Variants in MCTP2 observed in about 807,000 individuals in gnomAD.
The protein encoded by MCTP2 is multiple C2 and transmembrane domain-containing protein 2.
In MCTP2, 132 loss-of-function variants were observed where a neutral mutation model predicts 111.6. That is an observed-to-expected ratio of 1.18 (90% confidence interval 1.03 to 1.37). The LOEUF (loss-of-function observed/expected upper bound fraction) is 1.37. Among genes scored for constraint, MCTP2 ranks in the 40% most tolerant of loss-of-function variants. The pLI, the probability that MCTP2 is intolerant of heterozygous loss-of-function variation, is 0.00. For missense variants in MCTP2, 1,183 were observed against 1,067.9 expected (o/e 1.11, Z -1.50); for synonymous variants, 395 against 387.7 (o/e 1.02, Z -0.22).
chr15:94,425,715 GA>G (rs1397258408), intron 17 of MCTP2, among the ~76,000 whole-genome samples: 1 of 152,124 alleles, frequency 6.6e-6, no homozygotes, highest in Non-Finnish European at 1.5e-5. Context: ...TTATTCAGAT[GA>G]GGCAGAGATT....
Position 94,419,646 on chromosome 15 carries a change from A to T in MCTP2, c.2085+17627A>T, listed in dbSNP as rs1389813010. On this transcript the variant is annotated intron_variant, in intron 17 of 22. Transcript: ENST00000357742. ...AAAGTGTAGAATTAGTTTTCTGGTC[A>T]GTCTAAATAGCCTTTCATAGTTGCC... Among the ~76,000 whole-genome samples, 3 of 152,276 alleles carry T rather than the reference A, an allele frequency of 2.0e-5. No individual in the cohort carries two copies. In the East Asian group the frequency reaches 5.8e-4, roughly 29 times the overall value.
chr15:94,364,572 C>G (rs967264513), intron 10 of MCTP2, among the ~76,000 whole-genome samples: 2 of 152,062 alleles, frequency 1.3e-5, no homozygotes, highest in East Asian at 3.8e-4. Context: ...ATGTTTACGT[C>G]TTAAAGACTT....
chr15:94,466,803 A>T (rs1261855117), intron 20 of MCTP2, among the ~76,000 whole-genome samples: 2 of 151,966 alleles, frequency 1.3e-5, no homozygotes, highest in Non-Finnish European at 2.9e-5. Flanking sequence ...TTTTCATGTC[A>T]GCCTAGTCAT....
chr15:94,319,036 G>GTTT (rs1567410982), intron 4 of MCTP2, among the ~76,000 whole-genome samples: 2 of 77,536 alleles, frequency 2.6e-5, no homozygotes, highest in African/African-American at 6.8e-5. Context: ...AATTGTTCTT[G>GTTT]GTTTTTTTTT....
chr15:94,390,452 C>T lies in MCTP2; in HGVS notation c.1788+4927C>T, dbSNP rs552079994. 3.3e-5 allele frequency among the ~76,000 whole-genome samples: 5 copies of T among 152,236 alleles called. No individual in the cohort carries two copies. In the South Asian group the frequency reaches 1.0e-3, roughly 32 times the overall value. ...GTAGACACGATCTTCTGATAATTCA[C>T]TGACTCAATAGACTTATTTAATATT... is the stretch of plus-strand genomic sequence containing the variant. On this transcript the variant is annotated intron_variant, in intron 14 of 22. Transcript: ENST00000357742.
At chr15:94,424,582 G>A (rs1279748449) in intron 17 of MCTP2, among the ~76,000 whole-genome samples, 1 of 152,130 alleles carries the variant, frequency 6.6e-6, no homozygotes, top group Non-Finnish European at 1.5e-5. Context: ...CTGCTCTAGG[G>A]TATATGCCTA....
chr15:94,276,170 T>A (rs542370839), intron 1 of MCTP2, among the ~76,000 whole-genome samples: 2 of 152,270 alleles, frequency 1.3e-5, no homozygotes, highest in East Asian at 3.9e-4. Flanking sequence ...AAGAAACAAC[T>A]TTGGCTTCAT....
In MCTP2 at chr15:94,245,455, T is replaced by C. The variant is rs567775350; in HGVS notation, c.-66+13791T>C. The stretch of plus-strand genomic sequence containing the variant: ...ATTTATATATACACATATATGTATA[T>C]GTATTTATATACATATATGTATATA... On this transcript the variant is annotated intron_variant, in intron 1 of 22. Coordinates refer to ENST00000357742, the MANE Select transcript of MCTP2 (RefSeq NM_001385001.1). Among the ~76,000 whole-genome samples, 6 of 140,040 alleles carry C rather than the reference T, an allele frequency of 4.3e-5. No individual in the cohort carries two copies. In the South Asian group the frequency reaches 8.8e-4, roughly 21 times the overall value. The allele number at this position is 140,040 out of a possible 152,430, so 91.9% of individuals were successfully genotyped here.
Position 94,377,422 on chromosome 15 carries a change from A to G in MCTP2, c.1583-6600A>G, listed in dbSNP as rs910435213. 3.9e-5 allele frequency among the ~76,000 whole-genome samples: 6 copies of G among 152,222 alleles called. No homozygotes were observed. The South Asian group carries it at 6.2e-4, about 16-fold the overall frequency. On this transcript the variant is annotated intron_variant, in intron 12 of 22. Coordinates refer to ENST00000357742, the MANE Select transcript of MCTP2 (RefSeq NM_001385001.1). ...TGCCTCTGGCAGGCCGTCTGCTTCA[A>G]CTGCCTTCCAGAGAACATGGACTGT...
chr15:94,444,207 G>C (rs2552173), intron 19 of MCTP2, among the ~76,000 whole-genome samples: 9,582 of 152,162 alleles, frequency 0.063, 418 homozygotes, highest in East Asian at 0.15. Context: ...CACAATTCAG[G>C]AACAGCCAAA....
chr15:94,269,058 A>G (rs1005763249), intron 1 of MCTP2, among the ~76,000 whole-genome samples: 1 of 152,124 alleles, frequency 6.6e-6, no homozygotes, highest in Non-Finnish European at 1.5e-5. Flanking sequence ...TGTTTAAATG[A>G]TTAGTATAAG....
chr15:94,300,371 G>C (rs1027971388), intron 2 of MCTP2, among the ~76,000 whole-genome samples: 2 of 151,862 alleles, frequency 1.3e-5, no homozygotes, highest in Admixed American at 1.3e-4. Flanking sequence ...TTAGCCGGGC[G>C]TGGTGGCGGG....
intron 2 of MCTP2, among the ~76,000 whole-genome samples, chr15:94,311,256 A>G (rs1233704009): frequency 2.0e-5 from 3 of 151,794 alleles, no homozygotes; most frequent in African/African-American, 7.3e-5. Flanking sequence ...CGAACTCCTG[A>G]CCTCAGGTGA....
intron 4 of MCTP2, among the ~76,000 whole-genome samples, chr15:94,338,239 ATGC>A (rs10543535): frequency 0.29 from 43,758 of 151,692 alleles, 7,713 homozygotes; most frequent in African/African-American, 0.49. Context: ...TGGTCTTTGT[ATGC>A]TTATTCACTG....
At chr15:94,257,575 T>G (rs866085679) in intron 1 of MCTP2, among the ~76,000 whole-genome samples, 27 of 14,018 alleles carry the variant, frequency 1.9e-3, no homozygotes, top group African/African-American at 8.3e-3. Context: ...TGTTGTTTTT[T>G]TTTTTTTTTT....
At chr15:94,340,306 G>T (rs867120018) in intron 6 of MCTP2, 31 bp downstream of exon 6, 3 of 1,523,872 alleles carry the variant, frequency 2.0e-6, no homozygotes, top group Admixed American at 1.7e-5. Flanking sequence ...AATTGTTATT[G>T]ATGAGTTTTA....
At chr15:94,459,386 CTAA>C (rs1567752820) in intron 20 of MCTP2, among the ~76,000 whole-genome samples, 1 of 152,100 alleles carries the variant, frequency 6.6e-6, no homozygotes, top group Non-Finnish European at 1.5e-5. Flanking sequence ...TATGTAAATA[CTAA>C]TGTTTTCTCA....
At chr15:94,443,514 T>G (rs901733985) in intron 19 of MCTP2, among the ~76,000 whole-genome samples, 11 of 152,236 alleles carry the variant, frequency 7.2e-5, no homozygotes, top group African/African-American at 2.7e-4. Flanking sequence ...CCAAATGAGA[T>G]GCTACTAGCT....
intron 12 of MCTP2, among the ~76,000 whole-genome samples, chr15:94,376,623 T>C (rs2079788965): frequency 6.6e-6 from 1 of 152,248 alleles, no homozygotes; most frequent in Admixed American, 6.5e-5. Flanking sequence ...ATTTGATACG[T>C]GAAGAACTGT....
Sources: allele counts gnomAD v4.1 joint callset (sites outside exome capture counted in the v4.1 genomes callset), GRCh38; gene constraint gnomAD v4.1.1; transcripts MANE v1.5; gene names NCBI Gene and HGNC (gene_info 2026-07-23, HGNC 2026-07-21).